Variants in ROBO2 observed in about 807,000 individuals in gnomAD.
ROBO2 encodes the protein roundabout guidance receptor 2, also known as roundabout homolog 2.
Under a neutral mutation model 160.8 loss-of-function variants are expected in ROBO2, and 53 were observed. That is an observed-to-expected ratio of 0.33 (90% CI 0.26 to 0.41). The LOEUF is 0.41. Ranked by LOEUF, ROBO2 falls within the 10% of genes least tolerant of loss-of-function variation. The pLI is 1.00. For synonymous variants in ROBO2, 664 were observed against 611.7 expected (o/e 1.09, Z -1.26); for missense variants, 1,577 against 1,722.4 (o/e 0.92, Z 1.49).
At chr3:75,972,905 C>T (rs1046539074) in intron 2 of ROBO2, among the ~76,000 whole-genome samples, 7 of 151,604 alleles carry the variant, frequency 4.6e-5, no homozygotes, top group African/African-American at 1.7e-4. Flanking sequence ...ATCCCTTGTT[C>T]ACCCTATCTA....
rs368731183 is a variant in ROBO2 at position 76,535,156 on chromosome 3, G to A, written c.110-562858G>A. On this transcript the variant is annotated intron_variant, in intron 2 of 26. Coordinates refer to the ROBO2 transcript ENST00000487694. ...TTGACAAGGTCATTAACAGAATAAT[G>A]AGTTGTGGAAGGGGGTATTGAGGAG... is the stretch of plus-strand genomic sequence containing the variant. 2.6e-4 allele frequency among the ~76,000 whole-genome samples: 39 copies of A among 152,094 alleles called. 1 individual carries two copies. The South Asian group carries it at 2.7e-3, about 11-fold the overall frequency.
rs71322785 is a variant in ROBO2 at position 77,183,899 on chromosome 3, T to C, written c.388+85559T>C. Reference sequence around the variant, plus strand: ...ACAATTCACAAGTTGATTTGCACTGTGCTGCTTATCACATTAGCACACAGC... The same window carrying C: ...ACAATTCACAAGTTGATTTGCACTGCGCTGCTTATCACATTAGCACACAGC... On this transcript the variant is annotated intron_variant, in intron 2 of 25. Transcript: ENST00000461745. 1.2e-3 allele frequency among the ~76,000 whole-genome samples: 190 copies of C among 152,242 alleles called. 1 individual carries two copies. The highest frequency in any genetic ancestry group is 2.4e-3 in the Non-Finnish European group (160 of 67,994).
At chr3:76,457,210 A>G (rs1212825712) in intron 2 of ROBO2, among the ~76,000 whole-genome samples, 1 of 152,224 alleles carries the variant, frequency 6.6e-6, no homozygotes, top group Non-Finnish European at 1.5e-5. Context: ...CCTTCTGCCT[A>G]TGAGCCTGTA....
chr3:77,084,417 T>C (rs1333706010), intron 1 of ROBO2, among the ~76,000 whole-genome samples: 1 of 152,136 alleles, frequency 6.6e-6, no homozygotes, highest in Non-Finnish European at 1.5e-5. Context: ...CTTCCTACAT[T>C]TTAGAAATAC....
At chr3:76,098,104 G>T (rs2069529163) in intron 2 of ROBO2, among the ~76,000 whole-genome samples, 1 of 152,096 alleles carries the variant, frequency 6.6e-6, no homozygotes, top group Admixed American at 6.6e-5. Context: ...CTCCTTCAGT[G>T]TCATCATGTA....
At chr3:76,047,477 T>C (rs1339092884) in intron 2 of ROBO2, among the ~76,000 whole-genome samples, 2 of 152,176 alleles carry the variant, frequency 1.3e-5, no homozygotes, top group Non-Finnish European at 2.9e-5. Flanking sequence ...GATACAGAGA[T>C]TGCCGTCAGT....
At chr3:77,022,112 G>A (rs946030169) in intron 2 of ROBO2, among the ~76,000 whole-genome samples, 1 of 152,140 alleles carries the variant, frequency 6.6e-6, no homozygotes, top group Non-Finnish European at 1.5e-5. Flanking sequence ...GCTTATGCCT[G>A]TAATCCCAGC....
intron 2 of ROBO2, among the ~76,000 whole-genome samples, chr3:77,303,502 T>C (rs1263040834): frequency 2.0e-5 from 3 of 152,208 alleles, no homozygotes; most frequent in African/African-American, 7.2e-5. Context: ...AAATGACTAA[T>C]ATTAAGAGCA....
intron 23 of ROBO2, chr3:77,631,508 A>G (rs1167583387): frequency 1.3e-5 from 2 of 152,156 alleles, no homozygotes; most frequent in Non-Finnish European, 2.9e-5. Context: ...GATAAGCAAT[A>G]CTTGGTAGTT....
rs776943052 is a variant in ROBO2, at chr3:77,558,052, C to T, written c.1340C>T (p.Pro447Leu). The T allele has an allele frequency of 3.1e-6, 5 of 1,613,268 alleles. No homozygotes were observed. The highest frequency in any genetic ancestry group is 4.2e-6 in the Non-Finnish European group (5 of 1,179,478). The change falls in exon 9 of 26, where the codon CCT becomes CTT. Residue 447 changes from proline (P) to leucine (L), a missense_variant. Coordinates refer to ENST00000461745, the Ensembl canonical transcript of ROBO2. ...TGTAAAGCCACTGGTGATCCTCTTC[C>T]TGTAATTAGCTGGTTAAAGGAGGGA...
At chr3:76,663,914 A>G (rs148636227) in intron 2 of ROBO2, among the ~76,000 whole-genome samples, 106 of 152,200 alleles carry the variant, frequency 7.0e-4, no homozygotes, top group Middle Eastern at 3.4e-3. Flanking sequence ...AGGAAAAAAA[A>G]AAAAGAAAAG....
At chr3:77,460,602 A>C (rs2153570889) in intron 2 of ROBO2, among the ~76,000 whole-genome samples, 1 of 152,348 alleles carries the variant, frequency 6.6e-6, no homozygotes, top group East Asian at 1.9e-4. Context: ...AATTAAGAAA[A>C]GTATTCCAGA....
At chr3:75,975,041 A>G (rs1374790152) in intron 2 of ROBO2, among the ~76,000 whole-genome samples, 2 of 151,624 alleles carry the variant, frequency 1.3e-5, no homozygotes, top group Admixed American at 1.3e-4. Flanking sequence ...CAATGGCTAA[A>G]AAAAATTGAA....
chr3:76,684,410 G>A (rs748402765), intron 2 of ROBO2, among the ~76,000 whole-genome samples: 25 of 152,088 alleles, frequency 1.6e-4, no homozygotes, highest in Non-Finnish European at 2.8e-4. Context: ...TATACGGTGA[G>A]TTAATTCTAC....
chr3:76,913,522 G>A (rs962613952), intron 2 of ROBO2, among the ~76,000 whole-genome samples: 5 of 152,124 alleles, frequency 3.3e-5, no homozygotes, highest in Non-Finnish European at 7.4e-5. Context: ...CAATAAAATC[G>A]AGAAAGCTGT....
chr3:77,437,972 A>C (rs2153549389), intron 2 of ROBO2, among the ~76,000 whole-genome samples: 1 of 152,160 alleles, frequency 6.6e-6, no homozygotes, highest in African/African-American at 2.4e-5. Context: ...TCTATGCCTT[A>C]AAGCAATTTA....
chr3:76,736,588 A>G (rs1264286021), intron 2 of ROBO2, among the ~76,000 whole-genome samples: 3 of 152,252 alleles, frequency 2.0e-5, no homozygotes, highest in African/African-American at 7.2e-5. Flanking sequence ...ACAGACTTTT[A>G]GAATTTCTGG....
intron 2 of ROBO2, among the ~76,000 whole-genome samples, chr3:76,297,848 T>C (rs1709158018): frequency 6.6e-6 from 1 of 152,150 alleles, no homozygotes. Flanking sequence ...AGTGCTCTAG[T>C]TTCTCTGTGA....
At chr3:77,626,619 T>C (rs1360455808) in intron 23 of ROBO2, among the ~76,000 whole-genome samples, 1 of 151,568 alleles carries the variant, frequency 6.6e-6, no homozygotes, top group Non-Finnish European at 1.5e-5. Context: ...ATGGCAGGAG[T>C]CAATGGTAAT....
Sources: allele counts gnomAD v4.1 joint callset (sites outside exome capture counted in the v4.1 genomes callset), GRCh38; gene constraint gnomAD v4.1.1; transcripts MANE v1.5; gene names NCBI Gene and HGNC (gene_info 2026-07-23, HGNC 2026-07-21).